The following KCND2 variants were observed in gnomAD, a reference collection of about 807,000 sequenced individuals.
KCND2 encodes the protein potassium voltage-gated channel subfamily D member 2, also known as A-type voltage-gated potassium channel KCND2.
KCND2 carries 16 observed loss-of-function variants against 54.4 expected under a neutral mutation model. The ratio of observed to expected loss-of-function variants is 0.29; its 90% CI spans 0.20 to 0.45. KCND2 has a LOEUF of 0.45. KCND2 is among the 20% of genes least tolerant of loss of function. The probability of loss-of-function intolerance (pLI) is 1.00; values close to 1 mark genes in which losing one functional copy is unlikely to be tolerated. For synonymous variants in KCND2, 317 were observed against 310.7 expected, an observed-to-expected ratio of 1.02 and a Z score of -0.21; for missense variants, 486 against 824.2, an observed-to-expected ratio of 0.59 and a Z score of 5.02.
At chr7:120,665,495 A>G (rs1233889369) in intron 1 of KCND2, among the ~76,000 whole-genome samples, 5 of 152,042 alleles carry the variant, frequency 3.3e-5, no homozygotes, top group African/African-American at 9.7e-5. Flanking sequence ...TATAGCACAA[A>G]AACAGATTCA....
In KCND2 at chr7:120,576,388, A is replaced by T. The variant is rs535877939; in HGVS notation, c.1116-156515A>T. Among the ~76,000 whole-genome samples, 16 of 152,338 alleles carry T rather than the reference A, an allele frequency of 1.1e-4. 1 individual carries two copies. Among genetic ancestry groups the T allele is most frequent in the South Asian group, 4.1e-4 (2 of 4,834 alleles). Reference sequence around the variant, plus strand: ...TACATAATTTTCCATTTTACAAATGATTAGCTCTTGCCCTACTGCTAAACA... The same window carrying T: ...TACATAATTTTCCATTTTACAAATGTTTAGCTCTTGCCCTACTGCTAAACA... On this transcript the variant is annotated intron_variant, in intron 1 of 5. Coordinates refer to ENST00000331113, the MANE Select transcript of KCND2 (RefSeq NM_012281.3).
At chr7:120,678,343 T>A (rs975754511) in intron 1 of KCND2, among the ~76,000 whole-genome samples, 25 of 120,256 alleles carry the variant, frequency 2.1e-4, no homozygotes, top group African/African-American at 2.8e-4. Flanking sequence ...GTATGATTAT[T>A]TATATATATA....
At chr7:120,450,423 TA>T (rs1481322213) in intron 1 of KCND2, among the ~76,000 whole-genome samples, 2 of 151,864 alleles carry the variant, frequency 1.3e-5, no homozygotes, top group African/African-American at 4.8e-5. Flanking sequence ...AGAAAAAAAT[TA>T]CTGGTTTGTA....
At chr7:120,435,399 G>A (rs532158194) in intron 1 of KCND2, among the ~76,000 whole-genome samples, 1 of 151,858 alleles carries the variant, frequency 6.6e-6, no homozygotes, top group South Asian at 2.1e-4. Context: ...ACAGGTGTGA[G>A]CAACTGAGCC....
At chr7:120,334,664 A>G (rs576628136) in intron 1 of KCND2, among the ~76,000 whole-genome samples, 14 of 152,314 alleles carry the variant, frequency 9.2e-5, no homozygotes, top group African/African-American at 3.1e-4. Context: ...AAGGCTCCAC[A>G]GAGGTCACAT....
At chr7:120,634,534 A>G (rs1793280142) in intron 1 of KCND2, among the ~76,000 whole-genome samples, 1 of 151,770 alleles carries the variant, frequency 6.6e-6, no homozygotes, top group South Asian at 2.1e-4. Flanking sequence ...ACCTCCCTCA[A>G]CTCACTTGCC....
At chr7:120,475,683 G>A (rs1802524423) in intron 1 of KCND2, among the ~76,000 whole-genome samples, 1 of 152,148 alleles carries the variant, frequency 6.6e-6, no homozygotes, top group Non-Finnish European at 1.5e-5. Flanking sequence ...CTCCTCATTT[G>A]CAAGCTGCCT....
chr7:120,334,560 C>G (rs533833412), intron 1 of KCND2, among the ~76,000 whole-genome samples: 66 of 152,258 alleles, frequency 4.3e-4, no homozygotes, highest in African/African-American at 8.4e-4. Context: ...TTTCTCAGAA[C>G]CTGCAGACAA....
chr7:120,406,037 G>C (rs546362305), intron 1 of KCND2, among the ~76,000 whole-genome samples: 1 of 151,850 alleles, frequency 6.6e-6, no homozygotes, highest in East Asian at 1.9e-4. Context: ...TTATGAAGGT[G>C]GTATAAAGGA....
At chr7:120,445,863 C>T (rs1472871678) in intron 1 of KCND2, among the ~76,000 whole-genome samples, 1 of 152,008 alleles carries the variant, frequency 6.6e-6, no homozygotes, top group Non-Finnish European at 1.5e-5. Context: ...AGAATGGAAC[C>T]TATTACTTAA....
At position 120,747,836 on chromosome 7, in the gene KCND2, T is replaced by C; in HGVS notation, c.1871T>C (p.Ile624Thr). 6.2e-7 allele frequency: 1 copy of C among 1,612,060 alleles called. No homozygotes were observed. Among genetic ancestry groups the C allele is most frequent in the Non-Finnish European group, 8.5e-7 (1 of 1,178,690 alleles). Residue 624 changes from isoleucine (I) to threonine (T), a missense_variant, in exon 6 of 6, where the codon ATT (isoleucine) becomes ACT (threonine). Ile to Thr is a moderately conservative substitution (Grantham distance 89). This residue lies in a region of KCND2 where 202 missense variants were observed against 252.7 expected (regional missense o/e 0.80). Coordinates refer to ENST00000331113, the MANE Select transcript of KCND2 (RefSeq NM_012281.3). ...PESPEYSGGN[I>T]VRVSAL ...TCCCCTGAGTACTCAGGAGGAAATA[T>C]TGTCAGAGTTTCTGCTTTGTAAGAC... is the stretch of plus-strand genomic sequence containing the variant.
intron 1 of KCND2, among the ~76,000 whole-genome samples, chr7:120,277,928 G>A (rs924787296): frequency 6.6e-6 from 1 of 152,026 alleles, no homozygotes; most frequent in East Asian, 1.9e-4. Context: ...GAATACACAC[G>A]CTTTCTCAGA....
chr7:120,532,343 A>T (rs1217988505), intron 1 of KCND2, among the ~76,000 whole-genome samples: 2 of 152,002 alleles, frequency 1.3e-5, no homozygotes, highest in African/African-American at 4.8e-5. Context: ...AAAATCAGTT[A>T]AACCTATAGT....
At position 120,711,835 on chromosome 7, in the gene KCND2, A is replaced by G. The variant is rs560800200; in HGVS notation, c.1116-21068A>G. ...AATGTAAGGGTTCACCAAAGTCCAT[A>G]TTTATAGTTAGAATCATAATTTATT... On this transcript the variant is annotated intron_variant, in intron 1 of 5. Transcript: ENST00000331113. Among the ~76,000 whole-genome samples the G allele has an allele frequency of 2.0e-5, 3 of 152,302 alleles. No homozygotes were observed. The East Asian group carries it at 5.8e-4, about 29-fold the overall frequency.
At chr7:120,746,126 G>A in intron 5 of KCND2, 99 bp downstream of exon 5, 2 of 1,391,310 alleles carry the variant, frequency 1.4e-6, no homozygotes, top group South Asian at 1.2e-5. Context: ...TAAATCCCTA[G>A]CTCCTATGGT....
chr7:120,289,037 AAC>A (rs763897007), intron 1 of KCND2, among the ~76,000 whole-genome samples: 710 of 62,206 alleles, frequency 0.011, 3 homozygotes, highest in African/African-American at 0.023. Flanking sequence ...CAGAGACACA[AAC>A]ACACACACAC....
At chr7:120,702,646 T>C (rs1280447127) in intron 1 of KCND2, among the ~76,000 whole-genome samples, 1 of 152,106 alleles carries the variant, frequency 6.6e-6, no homozygotes, top group Non-Finnish European at 1.5e-5. Context: ...TGCAGGAACA[T>C]GGATGGAGCT....
chr7:120,352,988 C>A (rs1800437391), intron 1 of KCND2, among the ~76,000 whole-genome samples: 1 of 151,738 alleles, frequency 6.6e-6, no homozygotes, highest in Non-Finnish European at 1.5e-5. Flanking sequence ...TTTTCAGGAG[C>A]GAATTGACAA....
At chr7:120,529,893 G>A (rs531757395) in intron 1 of KCND2, among the ~76,000 whole-genome samples, 1 of 152,156 alleles carries the variant, frequency 6.6e-6, no homozygotes, top group African/African-American at 2.4e-5. Context: ...ACCACACTGG[G>A]CAACAGGATG....
Sources: gnomAD v4.1 joint callset for allele counts (sites outside exome capture counted in the v4.1 genomes callset) on GRCh38, gnomAD v4.1.1 for gene constraint, gnomAD v4.1.1 regional missense constraint, MANE v1.5 for transcripts, NCBI Gene and HGNC (gene_info 2026-07-23, HGNC 2026-07-21) for gene names.